LRRC4C: variants seen among roughly 807,000 people sequenced by gnomAD.
The protein encoded by LRRC4C is leucine rich repeat containing 4C, also known as leucine-rich repeat-containing protein 4C.
Under a neutral mutation model 33.6 loss-of-function variants are expected in LRRC4C, and 5 were observed. The ratio of observed to expected loss-of-function variants is 0.15; its 90% CI spans 0.08 to 0.31. The LOEUF (loss-of-function observed/expected upper bound fraction) is 0.31, where lower values mean the gene tolerates loss of function less well. Ranked by LOEUF, LRRC4C falls within the 10% of genes least tolerant of loss-of-function variation. The pLI is 1.00. For missense variants in LRRC4C, 560 were observed against 796.7 expected (o/e 0.70, Z 3.58); for synonymous variants, 329 against 302.0 (o/e 1.09, Z -0.93).
At chr11:40,899,351 C>T (rs899061998) in intron 2 of LRRC4C, among the ~76,000 whole-genome samples, 2 of 152,138 alleles carry the variant, frequency 1.3e-5, no homozygotes, top group African/African-American at 4.8e-5. Context: ...TGAAAATCTT[C>T]GTACCGTGAC....
chr11:40,505,538 C>T (rs1388087479), intron 3 of LRRC4C, among the ~76,000 whole-genome samples: 2 of 152,158 alleles, frequency 1.3e-5, no homozygotes, highest in African/African-American at 4.8e-5. Flanking sequence ...ACACCCACCT[C>T]AGTGAAGTCA....
chr11:41,448,942 T>C (rs1315566858), intron 1 of LRRC4C, among the ~76,000 whole-genome samples: 2 of 152,236 alleles, frequency 1.3e-5, no homozygotes, highest in African/African-American at 2.4e-5. Context: ...GATAAGAATA[T>C]TGTACTTTTT....
intron 1 of LRRC4C, among the ~76,000 whole-genome samples, chr11:40,944,578 G>A (rs1958305254): frequency 6.6e-6 from 1 of 152,138 alleles, no homozygotes; most frequent in African/African-American, 2.4e-5. Flanking sequence ...GCTCTCTACT[G>A]ATTCAGTGAC....
intron 3 of LRRC4C, among the ~76,000 whole-genome samples, chr11:40,417,305 AATATGAGAG>A (rs2137699745): frequency 6.7e-6 from 1 of 149,736 alleles, no homozygotes; most frequent in South Asian, 2.2e-4. Context: ...GGAAACATAA[AATATGAGAG>A]ACATGATTTT....
chr11:40,322,732 A>C (rs963791565), intron 3 of LRRC4C, among the ~76,000 whole-genome samples: 1 of 152,170 alleles, frequency 6.6e-6, no homozygotes, highest in Non-Finnish European at 1.5e-5. Context: ...GTGAAACAGG[A>C]TAATGAGAGG....
chr11:40,228,094 T>C (rs1024585822), intron 5 of LRRC4C, among the ~76,000 whole-genome samples: 3 of 152,218 alleles, frequency 2.0e-5, no homozygotes, highest in East Asian at 1.9e-4. Flanking sequence ...CCAGAAGCTT[T>C]TTCTCTTTCT....
intron 1 of LRRC4C, among the ~76,000 whole-genome samples, chr11:41,356,939 A>T (rs1002434528): frequency 1.3e-5 from 2 of 152,166 alleles, no homozygotes; most frequent in Non-Finnish European, 2.9e-5. Flanking sequence ...GCTGAAAAGG[A>T]GTTCTACAAG....
At chr11:40,657,793 G>T (rs1307096962) in intron 2 of LRRC4C, among the ~76,000 whole-genome samples, 1 of 152,162 alleles carries the variant, frequency 6.6e-6, no homozygotes, top group East Asian at 1.9e-4. Context: ...ACAGGTGAGG[G>T]TCCTCAACCT....
intron 5 of LRRC4C, among the ~76,000 whole-genome samples, chr11:40,160,610 G>C (rs111687834): frequency 3.3e-5 from 5 of 152,294 alleles, no homozygotes; most frequent in African/African-American, 1.2e-4. Context: ...AAAGGAGTAA[G>C]TGATGTGTCA....
chr11:40,581,206 C>G (rs1958450182), intron 3 of LRRC4C, among the ~76,000 whole-genome samples: 1 of 152,186 alleles, frequency 6.6e-6, no homozygotes, highest in Non-Finnish European at 1.5e-5. Flanking sequence ...TCAACATGTT[C>G]AACTATAGAA....
At chr11:41,187,845 G>A (rs1945765225) in intron 1 of LRRC4C, among the ~76,000 whole-genome samples, 1 of 152,226 alleles carries the variant, frequency 6.6e-6, no homozygotes, top group South Asian at 2.1e-4. Context: ...TTGAGCAGCA[G>A]GGTAGCAAAG....
chr11:40,487,664 A>G (rs1356634559), intron 3 of LRRC4C, among the ~76,000 whole-genome samples: 3 of 151,994 alleles, frequency 2.0e-5, no homozygotes, highest in Non-Finnish European at 4.4e-5. Flanking sequence ...TTCCATTACA[A>G]AAAAAATAGA....
At chr11:40,709,457 C>G (rs533815772) in intron 2 of LRRC4C, among the ~76,000 whole-genome samples, 8 of 152,078 alleles carry the variant, frequency 5.3e-5, no homozygotes, top group Non-Finnish European at 8.8e-5. Context: ...TTCTCCTTCA[C>G]TTATGAAGCT....
chr11:40,527,839 C>T (rs1445469931), intron 3 of LRRC4C, among the ~76,000 whole-genome samples: 1 of 152,108 alleles, frequency 6.6e-6, no homozygotes, highest in East Asian at 1.9e-4. Context: ...ACCTCCACCT[C>T]CCGGGTTCAA....
chr11:40,271,881 A>G (rs972575125), intron 4 of LRRC4C, among the ~76,000 whole-genome samples: 1 of 152,162 alleles, frequency 6.6e-6, no homozygotes, highest in African/African-American at 2.4e-5. Context: ...ATTGAATTGA[A>G]CCAGAGTGAG....
intron 2 of LRRC4C, among the ~76,000 whole-genome samples, chr11:40,877,700 G>A (rs1445206352): frequency 1.3e-5 from 2 of 152,186 alleles, no homozygotes; most frequent in African/African-American, 2.4e-5. Flanking sequence ...GATGTTCTCA[G>A]TGCAGACACA....
rs902675451 is a variant in LRRC4C, at chr11:40,256,661, A to G, written c.-175-15063T>C. On this transcript the variant is annotated intron_variant, in intron 4 of 6. Transcript: ENST00000528697. ...CACATCTCCTGAATCCTTACAAATC[A>G]AGAAGGAAGATACAATACCCCTTTA... 3.3e-5 allele frequency among the ~76,000 whole-genome samples: 5 copies of G among 152,198 alleles called. No individual in the cohort carries two copies. In the East Asian group the frequency reaches 9.7e-4, roughly 29 times the overall value.
At chr11:40,575,565 C>T (rs1958158763) in intron 3 of LRRC4C, among the ~76,000 whole-genome samples, 1 of 152,124 alleles carries the variant, frequency 6.6e-6, no homozygotes, top group Non-Finnish European at 1.5e-5. Flanking sequence ...GGGAAGGACA[C>T]ATAAATAGAT....
chr11:40,532,714 G>A (rs1354231959), intron 3 of LRRC4C, among the ~76,000 whole-genome samples: 1 of 151,998 alleles, frequency 6.6e-6, no homozygotes, highest in Non-Finnish European at 1.5e-5. Context: ...GAGGAGTTGA[G>A]TATAGATGGT....
Sources: allele counts gnomAD v4.1 joint callset (sites outside exome capture counted in the v4.1 genomes callset), GRCh38; gene constraint gnomAD v4.1.1; transcripts MANE v1.5; gene names NCBI Gene and HGNC (gene_info 2026-07-23, HGNC 2026-07-21).